Variants in ARHGEF28 observed in about 807,000 individuals in gnomAD.
The protein encoded by ARHGEF28 is Rho guanine nucleotide exchange factor 28, also known as 190 kDa guanine nucleotide exchange factor.
A neutral mutation model predicts 206.6 loss-of-function variants in ARHGEF28; 152 were observed. The observed-to-expected ratio is 0.74, with a 90% CI of 0.64 to 0.84. The LOEUF (loss-of-function observed/expected upper bound fraction) is 0.84, where lower values mean the gene tolerates loss of function less well. Ranked by LOEUF, ARHGEF28 falls within the 40% of genes least tolerant of loss-of-function variation. The pLI is 0.00. For missense variants in ARHGEF28, 2,028 were observed against 2,073.2 expected, an observed-to-expected ratio of 0.98 and a Z score of 0.42; for synonymous variants, 763 against 776.4, an observed-to-expected ratio of 0.98 and a Z score of 0.29.
rs146881115 is a variant in ARHGEF28, at chr5:73,928,755, G to A, written c.4949-12089G>A. The stretch of plus-strand genomic sequence containing the variant: ...GGCATAACTCTTTTAGTGTGGGTAG[G>A]GTTGTGAGGCAGGCCGCTCCCCAGA... On this transcript the variant is annotated intron_variant, in intron 35 of 35. Transcript: ENST00000513042. 4.4e-3 allele frequency among the ~76,000 whole-genome samples: 672 copies of A among 152,228 alleles called. 5 individuals carry two copies. Among genetic ancestry groups the A allele is most frequent in the African/African-American group, 0.014 (582 of 41,532 alleles).
At chr5:73,685,621 TTTTA>T (rs1221133524) in intron 2 of ARHGEF28, among the ~76,000 whole-genome samples, 1 of 151,984 alleles carries the variant, frequency 6.6e-6, no homozygotes, top group African/African-American at 2.4e-5. Context: ...TTTTTTTATT[TTTTA>T]TTTATTTATT....
At chr5:73,827,733 G>T (rs533275788) in intron 9 of ARHGEF28, among the ~76,000 whole-genome samples, 1 of 152,254 alleles carries the variant, frequency 6.6e-6, no homozygotes, top group Admixed American at 6.5e-5. Flanking sequence ...CTTTTATATT[G>T]TCTTTGAAAT....
At chr5:73,704,077 G>A (rs186559905) in intron 2 of ARHGEF28, among the ~76,000 whole-genome samples, 32 of 152,070 alleles carry the variant, frequency 2.1e-4, no homozygotes, top group Non-Finnish European at 4.0e-4. Flanking sequence ...GGGAATATGG[G>A]GAGGGAATGG....
At chr5:73,915,148 G>T (rs282404) in intron 35 of ARHGEF28, among the ~76,000 whole-genome samples, 44,562 of 149,240 alleles carry the variant, frequency 0.3, 6,638 homozygotes, top group Middle Eastern at 0.35. Context: ...GTTTTTATTG[G>T]TTTTTTTTTC....
At chr5:73,940,183 G>T (rs1372031632) in intron 35 of ARHGEF28, among the ~76,000 whole-genome samples, 1 of 152,080 alleles carries the variant, frequency 6.6e-6, no homozygotes, top group East Asian at 1.9e-4. Flanking sequence ...TAATATTAGA[G>T]GATTTTATCA....
At chr5:73,864,981 A>C in intron 17 of ARHGEF28, 109 bp downstream of exon 17, 6 of 942,238 alleles carry the variant, frequency 6.4e-6, no homozygotes, top group Non-Finnish European at 8.1e-6. Flanking sequence ...TAAAGCGATC[A>C]TGATAGCGAT....
chr5:73,671,985 G>A (rs895545136), intron 1 of ARHGEF28, among the ~76,000 whole-genome samples: 25 of 151,634 alleles, frequency 1.6e-4, no homozygotes, highest in South Asian at 4.2e-4. Context: ...TTGAACTCCT[G>A]ACCTCAGGTG....
At chr5:73,900,371 G>A (rs1425609426) in intron 30 of ARHGEF28, 1 of 152,280 alleles carries the variant, frequency 6.6e-6, no homozygotes, top group African/African-American at 2.4e-5. Context: ...GAAAATTCTA[G>A]TTTTAATCAG....
intron 35 of ARHGEF28, among the ~76,000 whole-genome samples, chr5:73,914,941 A>G (rs536440427): frequency 3.9e-5 from 6 of 152,242 alleles, no homozygotes; most frequent in African/African-American, 1.2e-4. Flanking sequence ...GGGTTTCCCC[A>G]TATTGCCCAG....
chr5:73,874,673 G>GT (rs1200006251), intron 22 of ARHGEF28, among the ~76,000 whole-genome samples: 15 of 149,114 alleles, frequency 1.0e-4, no homozygotes, highest in Non-Finnish European at 1.6e-4. Flanking sequence ...GCGGTGTTTG[G>GT]TTTTTTGTCC....
chr5:73,811,720 C>G (rs1401361418), intron 9 of ARHGEF28, among the ~76,000 whole-genome samples: 1 of 152,204 alleles, frequency 6.6e-6, no homozygotes, highest in Admixed American at 6.5e-5. Flanking sequence ...CATGGTGGCT[C>G]ACGCCTGTAA....
At chr5:73,888,064 C>G (rs1457504687) in intron 26 of ARHGEF28, among the ~76,000 whole-genome samples, 3 of 152,174 alleles carry the variant, frequency 2.0e-5, no homozygotes, top group Non-Finnish European at 4.4e-5. Context: ...CAAACCCCTT[C>G]CCTTAGATCC....
At chr5:73,636,543 A>G (rs997586675) in intron 1 of ARHGEF28, among the ~76,000 whole-genome samples, 2 of 152,208 alleles carry the variant, frequency 1.3e-5, no homozygotes, top group East Asian at 1.9e-4. Context: ...TTGATGTTCA[A>G]TTCATTGAAA....
At chr5:73,675,813 G>A (rs1462379921) in intron 1 of ARHGEF28, among the ~76,000 whole-genome samples, 1 of 151,086 alleles carries the variant, frequency 6.6e-6, no homozygotes, top group East Asian at 1.9e-4. Context: ...AGGAACATAG[G>A]ATCATGGTTA....
intron 10 of ARHGEF28, among the ~76,000 whole-genome samples, chr5:73,837,706 TCTTTCTTC>T (rs1757735247): frequency 6.6e-6 from 1 of 151,518 alleles, no homozygotes; most frequent in African/African-American, 2.4e-5. Context: ...TCTCTTTCTT[TCTTTCTTC>T]CTTCCTTCCT....
chr5:73,679,796 TACATGTTTAAGTTTGACA>T (rs1323098406), intron 1 of ARHGEF28, among the ~76,000 whole-genome samples: 395 of 152,316 alleles, frequency 2.6e-3, no homozygotes, highest in African/African-American at 8.9e-3. Context: ...AATTATGTAG[TACATGTTTAAGTTTGACA>T]ACTTTTTAAA....
At chr5:73,923,279 C>A in intron 35 of ARHGEF28, 3 of 909,774 alleles carry the variant, frequency 3.3e-6, no homozygotes, top group African/African-American at 2.1e-5. Flanking sequence ...TGAGATAAAG[C>A]ATGGTAAAAA....
intron 11 of ARHGEF28, among the ~76,000 whole-genome samples, chr5:73,843,036 C>T (rs944622551): frequency 1.3e-5 from 2 of 150,050 alleles, no homozygotes; most frequent in Admixed American, 1.3e-4. Context: ...CCCCAGATCT[C>T]AAGAGATAAA....
chr5:73,939,260 G>A (rs1222518667), intron 35 of ARHGEF28, among the ~76,000 whole-genome samples: 4 of 152,156 alleles, frequency 2.6e-5, no homozygotes, highest in African/African-American at 7.2e-5. Context: ...GAGAGATGAC[G>A]AATGTAAAAG....
Sources: gnomAD v4.1 joint callset for allele counts (sites outside exome capture counted in the v4.1 genomes callset) on GRCh38, gnomAD v4.1.1 for gene constraint, MANE v1.5 for transcripts, NCBI Gene and HGNC (gene_info 2026-07-23, HGNC 2026-07-21) for gene names.